The following FAM13B variants were observed in gnomAD, a reference collection of about 807,000 sequenced individuals.
The protein encoded by FAM13B is family with sequence similarity 13 member B.
A neutral mutation model predicts 117.3 loss-of-function variants in FAM13B; 60 were observed. That is an observed-to-expected ratio of 0.51 (90% confidence interval 0.42 to 0.63). FAM13B has a LOEUF of 0.63. Among genes scored for constraint, FAM13B ranks in the 30% least tolerant of loss-of-function variants. The pLI is 0.00. For missense variants in FAM13B, 972 were observed against 1,091.9 expected, an observed-to-expected ratio of 0.89 and a Z score of 1.55; for synonymous variants, 332 against 356.1, an observed-to-expected ratio of 0.93 and a Z score of 0.76.
At chr5:137,951,499 A>T (rs1238196473) in intron 17 of FAM13B, among the ~76,000 whole-genome samples, 1 of 151,810 alleles carries the variant, frequency 6.6e-6, no homozygotes, top group African/African-American at 2.4e-5. Context: ...TCTATACAAA[A>T]TTTTAAAAAA....
upstream of FAM13B, among the ~76,000 whole-genome samples, chr5:138,035,199 A>G (rs1165436466): frequency 6.6e-6 from 1 of 150,460 alleles, no homozygotes; most frequent in Non-Finnish European, 1.5e-5. Flanking sequence ...TTTTTTAGAG[A>G]TGGGTTTCCC....
intron 10 of FAM13B, among the ~76,000 whole-genome samples, chr5:137,973,481 C>T (rs371307088): frequency 3.3e-5 from 5 of 152,150 alleles, no homozygotes; most frequent in African/African-American, 9.6e-5. Context: ...AAGACTTAAA[C>T]GTTAGACCTA....
chr5:137,962,334 A>G, intron 11 of FAM13B, 71 bp downstream of exon 11: 1 of 1,344,822 alleles, frequency 7.4e-7, no homozygotes, highest in Non-Finnish European at 1.1e-6. Context: ...CATCTAAAAA[A>G]ATCACCTCAA....
intron 7 of FAM13B, among the ~76,000 whole-genome samples, chr5:138,004,162 G>A (rs1295472713): frequency 3.3e-5 from 5 of 151,926 alleles, no homozygotes; most frequent in Admixed American, 6.6e-5. Flanking sequence ...CCAGCTAATC[G>A]GGAGGCTGAG....
chr5:137,974,040 A>G (rs1252794409), intron 10 of FAM13B, among the ~76,000 whole-genome samples: 1 of 144,942 alleles, frequency 6.9e-6, no homozygotes, highest in Non-Finnish European at 1.5e-5. Flanking sequence ...TGTGGAAGTC[A>G]GTGTGGCGAT....
intron 10 of FAM13B, among the ~76,000 whole-genome samples, chr5:137,982,397 AC>A (rs1428789912): frequency 6.6e-6 from 1 of 152,122 alleles, no homozygotes; most frequent in East Asian, 1.9e-4. Flanking sequence ...AACTAAAAAT[AC>A]AAAAAATTAG....
intron 10 of FAM13B, among the ~76,000 whole-genome samples, chr5:137,968,410 T>C (rs1485022616): frequency 6.9e-6 from 1 of 145,216 alleles, no homozygotes; most frequent in South Asian, 2.2e-4. Context: ...CACTGCACTC[T>C]AGCCTGGGCA....
At chr5:137,993,434 CT>C (rs771713808) in intron 7 of FAM13B, among the ~76,000 whole-genome samples, 2 of 151,994 alleles carry the variant, frequency 1.3e-5, no homozygotes, top group Non-Finnish European at 2.9e-5. Flanking sequence ...TGAGGCCAGC[CT>C]GGGCAACATA....
At chr5:138,005,583 A>G (rs888613312) in intron 7 of FAM13B, among the ~76,000 whole-genome samples, 2 of 151,940 alleles carry the variant, frequency 1.3e-5, no homozygotes, top group Non-Finnish European at 2.9e-5. Context: ...ATTTTAATAT[A>G]TAATTAAAAT....
At chr5:137,998,502 T>C (rs1322497762) in intron 7 of FAM13B, among the ~76,000 whole-genome samples, 1 of 152,334 alleles carries the variant, frequency 6.6e-6, no homozygotes, top group East Asian at 1.9e-4. Context: ...CGGAATACCA[T>C]TTTTACTTGA....
At chr5:137,950,908 T>C (rs760949194) in intron 17 of FAM13B, among the ~76,000 whole-genome samples, 4 of 151,434 alleles carry the variant, frequency 2.6e-5, no homozygotes, top group Non-Finnish European at 5.9e-5. Context: ...TAAAGAGGAG[T>C]TAAGAGACAT....
intron 7 of FAM13B, among the ~76,000 whole-genome samples, chr5:138,000,959 A>G (rs1314806470): frequency 6.9e-6 from 1 of 145,498 alleles, no homozygotes; most frequent in Non-Finnish European, 1.5e-5. Flanking sequence ...AAAAAAAAAC[A>G]GCATCTTTCC....
chr5:138,001,342 T>A (rs938006682), intron 7 of FAM13B, among the ~76,000 whole-genome samples: 1 of 152,198 alleles, frequency 6.6e-6, no homozygotes, highest in African/African-American at 2.4e-5. Context: ...GCTCCCTATA[T>A]ACTAGGCCCT....
chr5:137,974,271 T>C (rs969043029), intron 10 of FAM13B, among the ~76,000 whole-genome samples: 1 of 152,034 alleles, frequency 6.6e-6, no homozygotes, highest in African/African-American at 2.4e-5. Context: ...AATACTATAC[T>C]ATGCGCCATA....
At chr5:137,970,828 A>G (rs910708521) in intron 10 of FAM13B, among the ~76,000 whole-genome samples, 17 of 152,144 alleles carry the variant, frequency 1.1e-4, no homozygotes, top group Admixed American at 5.9e-4. Context: ...CTGATAAAAC[A>G]GACTTTAAAC....
At chr5:137,951,903 G>GA (rs1765153120) in intron 17 of FAM13B, among the ~76,000 whole-genome samples, 2 of 152,060 alleles carry the variant, frequency 1.3e-5, no homozygotes, top group African/African-American at 4.8e-5. Flanking sequence ...CTTGAACCCA[G>GA]GAGGCAGAGG....
At chr5:138,038,369 G>C (rs1193633669) in intron 1 of FAM13B, among the ~76,000 whole-genome samples, 2 of 152,178 alleles carry the variant, frequency 1.3e-5, no homozygotes, top group Non-Finnish European at 2.9e-5. Context: ...ATGCAGTCTT[G>C]TGTGCAGGGA....
chr5:137,987,559 G>T lies in FAM13B; in HGVS notation c.948C>A (p.Ser316Arg). The T allele has an allele frequency of 6.2e-7, 1 of 1,613,344 alleles. No individual in the cohort carries two copies. Among genetic ancestry groups the T allele is most frequent in the South Asian group, 1.1e-5 (1 of 90,992 alleles). The change falls in exon 9 of 24, where the codon AGC (serine) becomes AGA (arginine). Residue 316 changes from serine to arginine, a missense_variant. Ser to Arg is a moderately radical substitution (Grantham distance 110, BLOSUM62 -1). Coordinates refer to ENST00000689681, the MANE Select transcript of FAM13B (RefSeq NM_001385994.1). ...AVEQHLFDLQ[S>R]SIDHDLKNLQ... ...AATTCTTAAGATCATGATCTATGCTGCTCTGAAGATCAAAAAGGTGCTGTT... is the reference window on the plus strand; with the variant it reads ...AATTCTTAAGATCATGATCTATGCTTCTCTGAAGATCAAAAAGGTGCTGTT...
chr5:137,988,745 C>T (rs1391352700), intron 7 of FAM13B, among the ~76,000 whole-genome samples: 2 of 152,224 alleles, frequency 1.3e-5, no homozygotes, highest in Non-Finnish European at 2.9e-5. Flanking sequence ...AACAAAGATG[C>T]TCTACTGCCT....
Sources: gnomAD v4.1 joint callset for allele counts (sites outside exome capture counted in the v4.1 genomes callset) on GRCh38, gnomAD v4.1.1 for gene constraint, MANE v1.5 for transcripts, NCBI Gene and HGNC (gene_info 2026-07-23, HGNC 2026-07-21) for gene names.